Variants in GRIP1 observed in about 807,000 individuals in gnomAD.
The protein encoded by GRIP1 is glutamate receptor-interacting protein 1.
A neutral mutation model predicts 129.9 loss-of-function variants in GRIP1; 45 were observed. The observed-to-expected ratio is 0.35, with a 90% CI of 0.27 to 0.44. The LOEUF is 0.44. Among genes scored for constraint, GRIP1 ranks in the 20% least tolerant of loss-of-function variants. GRIP1 has a pLI of 1.00. For synonymous variants in GRIP1, 530 were observed against 520.8 expected (o/e 1.02, Z -0.24); for missense variants, 1,196 against 1,396.8 (o/e 0.86, Z 2.29).
chr12:66,858,574 T>C (rs2040046910), intron 1 of GRIP1, among the ~76,000 whole-genome samples: 1 of 151,990 alleles, frequency 6.6e-6, no homozygotes, highest in East Asian at 1.9e-4. Context: ...TTCATTTTCC[T>C]ATAAAGAAAG....
chr12:66,747,304 T>C (rs2036979776), intron 1 of GRIP1, among the ~76,000 whole-genome samples: 2 of 152,132 alleles, frequency 1.3e-5, no homozygotes, highest in African/African-American at 4.8e-5. Context: ...AAAAAGGATA[T>C]TAAATAACTT....
chr12:66,495,096 C>T (rs745612494), intron 7 of GRIP1, among the ~76,000 whole-genome samples: 4 of 152,144 alleles, frequency 2.6e-5, no homozygotes, highest in Admixed American at 1.3e-4. Flanking sequence ...TGGGTTAATC[C>T]CAGGGAATAA....
intron 1 of GRIP1, among the ~76,000 whole-genome samples, chr12:66,974,752 G>C (rs1303737928): frequency 6.6e-6 from 1 of 152,118 alleles, no homozygotes; most frequent in Non-Finnish European, 1.5e-5. Flanking sequence ...TAAATTCTTA[G>C]AAGTATCCAG....
At chr12:66,479,334 T>A (rs1445732895) in intron 7 of GRIP1, among the ~76,000 whole-genome samples, 1 of 152,106 alleles carries the variant, frequency 6.6e-6, no homozygotes, top group South Asian at 2.1e-4. Context: ...ATGGATAAAT[T>A]CCTGGACATA....
At chr12:66,982,302 T>C (rs1380079507) in intron 1 of GRIP1, among the ~76,000 whole-genome samples, 2 of 152,122 alleles carry the variant, frequency 1.3e-5, no homozygotes, top group African/African-American at 4.8e-5. Flanking sequence ...TCATTCACCT[T>C]CCTAGACTCC....
chr12:66,585,070 A>G (rs2063566840), intron 2 of GRIP1, among the ~76,000 whole-genome samples: 1 of 151,634 alleles, frequency 6.6e-6, no homozygotes, highest in Non-Finnish European at 1.5e-5. Context: ...TATTTTATCA[A>G]TTATGATATT....
chr12:66,684,551 C>T (rs2034706388), intron 1 of GRIP1, among the ~76,000 whole-genome samples: 1 of 152,168 alleles, frequency 6.6e-6, no homozygotes, highest in African/African-American at 2.4e-5. Flanking sequence ...TCATTTAAAA[C>T]TCCCTTCCCC....
In GRIP1 at chr12:66,348,921, G is replaced by GTTGA. The variant is rs372783677; in HGVS notation, c.*94_*97dup. ...CCCCTGTGCTTGCAGTTAATGCCAC[G>GTTGA]TTGATTGATTATCTGTGCTTCAAAG... On this transcript the variant is annotated 3_prime_UTR_variant, in exon 25 of 25. Coordinates refer to ENST00000359742, the MANE Select transcript of GRIP1 (RefSeq NM_001366722.1). 1 of 879,598 alleles carries GTTGA rather than the reference G, an allele frequency of 1.1e-6. No homozygotes were observed. Among genetic ancestry groups the GTTGA allele is most frequent in the Non-Finnish European group, 2.0e-6 (1 of 509,778 alleles). The allele number at this position is 879,598 out of a possible 1,614,324, so 54.5% of individuals were successfully genotyped here. A position where few individuals can be genotyped will look rare whatever the true frequency, so the allele number is the denominator to read the frequency against.
intron 1 of GRIP1, among the ~76,000 whole-genome samples, chr12:66,988,252 G>A (rs571123543): frequency 7.9e-5 from 12 of 152,150 alleles, no homozygotes; most frequent in South Asian, 2.1e-4. Context: ...GCAAATATAC[G>A]GCCTGGGTGA....
At chr12:66,725,385 T>C (rs904825759) in intron 1 of GRIP1, among the ~76,000 whole-genome samples, 5 of 152,112 alleles carry the variant, frequency 3.3e-5, no homozygotes, top group African/African-American at 4.8e-5. Flanking sequence ...ACTAACAAAA[T>C]TTTAAGAATA....
chr12:66,401,247 AC>A (rs2056976779), intron 16 of GRIP1, among the ~76,000 whole-genome samples: 1 of 152,078 alleles, frequency 6.6e-6, no homozygotes, highest in Non-Finnish European at 1.5e-5. Flanking sequence ...ATTGGGCCTC[AC>A]TAGGTGCAAA....
rs189094200 is a variant in GRIP1 at position 66,440,265 on chromosome 12, C to T, written c.1687+4319G>A. Among the ~76,000 whole-genome samples the T allele has an allele frequency of 2.3e-3, 345 of 152,204 alleles. 2 individuals carry two copies. The highest frequency in any genetic ancestry group is 7.9e-3 in the African/African-American group (327 of 41,518). The stretch of plus-strand genomic sequence containing the variant: ...GCAATGCACAATAACCACATCAGGG[C>T]AAATGGGGTGTCCATCCTCTCCAGT... On this transcript the variant is annotated intron_variant, in intron 13 of 24. Coordinates refer to ENST00000359742, the MANE Select transcript of GRIP1 (RefSeq NM_001366722.1).
intron 1 of GRIP1, among the ~76,000 whole-genome samples, chr12:66,663,579 T>C (rs1179643017): frequency 6.6e-6 from 1 of 152,062 alleles, no homozygotes; most frequent in East Asian, 1.9e-4. Flanking sequence ...TGGAGGTATG[T>C]GTGGGGTGGG....
chr12:66,411,719 A>G (rs2057409995), intron 15 of GRIP1, among the ~76,000 whole-genome samples: 1 of 152,238 alleles, frequency 6.6e-6, no homozygotes, highest in Non-Finnish European at 1.5e-5. Flanking sequence ...CAATTCAAAT[A>G]AGCTAAGAAT....
chr12:67,068,961 G>C (rs1406182843), intron 1 of GRIP1: 17 of 538,758 alleles, frequency 3.2e-5, no homozygotes, highest in Non-Finnish European at 4.0e-5. Flanking sequence ...GCGGGTGGAC[G>C]GGTCGGGAGG....
intron 1 of GRIP1, among the ~76,000 whole-genome samples, chr12:66,850,727 T>TA (rs927814178): frequency 2.6e-5 from 4 of 151,910 alleles, no homozygotes; most frequent in African/African-American, 9.7e-5. Flanking sequence ...ATCTTTCTGA[T>TA]AAAAAAGTAA....
chr12:66,921,940 C>T (rs149232450), intron 1 of GRIP1, among the ~76,000 whole-genome samples: 1 of 152,310 alleles, frequency 6.6e-6, no homozygotes, highest in Non-Finnish European at 1.5e-5. Flanking sequence ...ATTTTCCCAC[C>T]TGCCTGCTAT....
chr12:67,059,631 G>A (rs1263760195), intron 1 of GRIP1, among the ~76,000 whole-genome samples: 2 of 152,176 alleles, frequency 1.3e-5, no homozygotes. Context: ...TTCCTTTTCA[G>A]TGGGAATGGA....
chr12:66,393,423 C>T (rs967741253), intron 17 of GRIP1, among the ~76,000 whole-genome samples: 5 of 152,048 alleles, frequency 3.3e-5, no homozygotes, highest in Non-Finnish European at 5.9e-5. Context: ...CCATCTACCT[C>T]GGCCTCCCAA....
Sources: allele counts gnomAD v4.1 joint callset (sites outside exome capture counted in the v4.1 genomes callset), GRCh38; gene constraint gnomAD v4.1.1; transcripts MANE v1.5; gene names NCBI Gene and HGNC (gene_info 2026-07-23, HGNC 2026-07-21).